MDGA2: variants seen among roughly 807,000 people sequenced by gnomAD.
MDGA2 encodes the protein MAM domain containing glycosylphosphatidylinositol anchor 2.
A neutral mutation model predicts 117.8 loss-of-function variants in MDGA2; 40 were observed. The observed-to-expected ratio is 0.34, with a 90% CI of 0.26 to 0.44. The LOEUF (loss-of-function observed/expected upper bound fraction) is 0.44, where lower values mean the gene tolerates loss of function less well. MDGA2 is among the 20% of genes least tolerant of loss of function. MDGA2 has a pLI of 1.00. For synonymous variants in MDGA2, 452 were observed against 439.0 expected, an observed-to-expected ratio of 1.03 and a Z score of -0.37; for missense variants, 1,123 against 1,250.6, an observed-to-expected ratio of 0.90 and a Z score of 1.54.
chr14:47,147,083 A>T (rs145270823), intron 3 of MDGA2, among the ~76,000 whole-genome samples: 31 of 152,224 alleles, frequency 2.0e-4, no homozygotes, highest in Non-Finnish European at 4.0e-4. Flanking sequence ...AAATGATGGC[A>T]CAGCTAAAAA....
intron 1 of MDGA2, among the ~76,000 whole-genome samples, chr14:47,584,498 A>G (rs571725725): frequency 1.1e-4 from 16 of 151,954 alleles, no homozygotes; most frequent in African/African-American, 3.6e-4. Flanking sequence ...CTGTCGTTGT[A>G]GTACAGATAA....
At chr14:46,866,526 C>A (rs1162655033) in intron 14 of MDGA2, among the ~76,000 whole-genome samples, 4 of 152,036 alleles carry the variant, frequency 2.6e-5, no homozygotes, top group Admixed American at 6.6e-5. Flanking sequence ...GCAACCAAAG[C>A]CAAAATTGAC....
intron 1 of MDGA2, among the ~76,000 whole-genome samples, chr14:47,451,957 A>G (rs1893250641): frequency 1.3e-5 from 2 of 152,168 alleles, no homozygotes; most frequent in Admixed American, 6.6e-5. Flanking sequence ...TTGGAGATAG[A>G]TAACTTCTTT....
rs1333253061 is a variant in MDGA2 at position 47,218,163 on chromosome 14, A to T, written c.453T>A (p.Ser151=). 3.9e-6 allele frequency: 6 copies of T among 1,550,320 alleles called. No homozygotes were observed. Among genetic ancestry groups the T allele is most frequent in the Non-Finnish European group, 5.2e-6 (6 of 1,146,282 alleles). Residue 151 remains serine, a synonymous_variant, in exon 3 of 17, where the codon TCT becomes TCA. Coordinates refer to ENST00000399232, the MANE Select transcript of MDGA2 (RefSeq NM_001113498.3). ...IRWTKTAGSA[S]DRFQDSSVFN... is the part of the protein sequence containing the mutation. The stretch of plus-strand genomic sequence containing the variant: ...AGACACTTGAGTCTTGGAATCTGTC[A>T]GAGGCACTTCCTGCTGTTTTGGTCC...
intron 11 of MDGA2, among the ~76,000 whole-genome samples, chr14:46,880,256 C>T (rs1391582260): frequency 1.3e-5 from 2 of 151,836 alleles, no homozygotes; most frequent in Middle Eastern, 3.4e-3. Context: ...ACTCAAGAGG[C>T]GGAGGTTGCA....
chr14:47,329,499 A>G (rs369520007), intron 1 of MDGA2, among the ~76,000 whole-genome samples: 1 of 152,090 alleles, frequency 6.6e-6, no homozygotes, highest in Non-Finnish European at 1.5e-5. Flanking sequence ...ATATTCTTCA[A>G]AAGCTTCTCA....
chr14:47,078,422 A>G (rs1282963380), intron 6 of MDGA2, among the ~76,000 whole-genome samples: 1 of 152,164 alleles, frequency 6.6e-6, no homozygotes, highest in Non-Finnish European at 1.5e-5. Context: ...TCAACAGTCA[A>G]GCCGAGACAG....
In MDGA2 at chr14:47,674,534, G is replaced by C. The variant is rs895296634; in HGVS notation, c.263C>G (p.Ser88Cys). 3 of 1,551,142 alleles carry C rather than the reference G, an allele frequency of 1.9e-6. No homozygotes were observed. The highest frequency in any genetic ancestry group is 2.7e-5 in the African/African-American group (2 of 72,966). Residue 88 changes from serine (S) to cysteine (C), a missense_variant, in exon 1 of 17, where the codon TCT (serine) becomes TGT (cysteine). Transcript: ENST00000399232. ...WLLTVLLEGISGQGVYAPPTV... is the reference protein window; with the variant it reads ...WLLTVLLEGICGQGVYAPPTV... ...CCACTCACCGTACACTCCTTGGCCA[G>C]AGATCCCCTCCAGGAGGACTGTCAG...
At chr14:47,030,269 CT>C (rs1391948421) in intron 8 of MDGA2, among the ~76,000 whole-genome samples, 1 of 152,000 alleles carries the variant, frequency 6.6e-6, no homozygotes, top group East Asian at 1.9e-4. Context: ...AATCCCAGCA[CT>C]TTGGGAGGCT....
chr14:47,002,111 G>A (rs1055900215), intron 8 of MDGA2, among the ~76,000 whole-genome samples: 4 of 151,956 alleles, frequency 2.6e-5, no homozygotes, highest in Non-Finnish European at 5.9e-5. Context: ...TTAATGTAAT[G>A]CAAATATTAG....
chr14:47,581,097 C>A (rs1230197415), intron 1 of MDGA2, among the ~76,000 whole-genome samples: 1 of 152,008 alleles, frequency 6.6e-6, no homozygotes, highest in Non-Finnish European at 1.5e-5. Context: ...ATCCCTTCAT[C>A]CAGCTTTCAA....
intron 8 of MDGA2, among the ~76,000 whole-genome samples, chr14:47,031,335 G>A (rs1376249774): frequency 1.3e-5 from 2 of 151,792 alleles, no homozygotes; most frequent in Non-Finnish European, 2.9e-5. Flanking sequence ...AGTGGTTATT[G>A]TTTAATTGGA....
chr14:47,042,602 GAT>G (rs1273987274), intron 7 of MDGA2, among the ~76,000 whole-genome samples: 3 of 152,100 alleles, frequency 2.0e-5, no homozygotes, highest in Admixed American at 1.3e-4. Context: ...CATGCACATG[GAT>G]ATACTCGGAT....
At chr14:47,112,572 C>T (rs747710352) in intron 5 of MDGA2, among the ~76,000 whole-genome samples, 4 of 152,100 alleles carry the variant, frequency 2.6e-5, no homozygotes, top group Admixed American at 2.0e-4. Flanking sequence ...CAAAGAACAT[C>T]GTTCCTTTCT....
intron 1 of MDGA2, among the ~76,000 whole-genome samples, chr14:47,571,547 A>T (rs1234177770): frequency 1.3e-5 from 2 of 152,216 alleles, no homozygotes; most frequent in Non-Finnish European, 2.9e-5. Context: ...AATGTGGCAC[A>T]TATACACCAT....
intron 9 of MDGA2, among the ~76,000 whole-genome samples, chr14:46,920,810 C>A (rs1009178025): frequency 5.9e-5 from 9 of 152,124 alleles, no homozygotes; most frequent in Non-Finnish European, 1.2e-4. Flanking sequence ...GTGTAGAAAA[C>A]AATTAGTGGA....
At chr14:47,165,685 T>A (rs989646213) in intron 3 of MDGA2, among the ~76,000 whole-genome samples, 3 of 152,214 alleles carry the variant, frequency 2.0e-5, no homozygotes, top group Non-Finnish European at 2.9e-5. Flanking sequence ...AATGCTGGTA[T>A]GGATGGTCTT....
intron 8 of MDGA2, among the ~76,000 whole-genome samples, chr14:46,971,454 C>G (rs1959810): frequency 0.58 from 88,073 of 151,876 alleles, 26,281 homozygotes; most frequent in Non-Finnish European, 0.63. Context: ...ATAAGACAGT[C>G]ACAGAAAGAC....
chr14:46,862,572 G>C (rs1881555010), intron 14 of MDGA2, among the ~76,000 whole-genome samples: 1 of 151,364 alleles, frequency 6.6e-6, no homozygotes, highest in Non-Finnish European at 1.5e-5. Flanking sequence ...CCTAAAATGT[G>C]CATACATATT....
Sources: gnomAD v4.1 joint callset for allele counts (sites outside exome capture counted in the v4.1 genomes callset) on GRCh38, gnomAD v4.1.1 for gene constraint, MANE v1.5 for transcripts, NCBI Gene and HGNC (gene_info 2026-07-23, HGNC 2026-07-21) for gene names.